SPECC1: variants seen among roughly 807,000 people sequenced by gnomAD.
The protein encoded by SPECC1 is cytospin-B.
SPECC1 carries 62 observed loss-of-function variants against 104.1 expected under a neutral mutation model. The ratio of observed to expected loss-of-function variants is 0.60; its 90% CI spans 0.49 to 0.74. The LOEUF (loss-of-function observed/expected upper bound fraction) is 0.74. Ranked by LOEUF, SPECC1 falls within the 30% of genes least tolerant of loss-of-function variation. The pLI is 0.00. For missense variants in SPECC1, 1,306 were observed against 1,310.5 expected (o/e 1.00, Z 0.05); for synonymous variants, 513 against 501.6 (o/e 1.02, Z -0.30).
intron 3 of SPECC1, among the ~76,000 whole-genome samples, chr17:20,158,467 C>T (rs1402972457): frequency 1.3e-5 from 2 of 152,134 alleles, no homozygotes; most frequent in African/African-American, 2.4e-5. Flanking sequence ...GAAAGGGAAG[C>T]GGGAGGCAGC....
intron 1 of SPECC1, among the ~76,000 whole-genome samples, chr17:20,038,118 G>A (rs1426122207): frequency 6.6e-6 from 1 of 151,782 alleles, no homozygotes; most frequent in East Asian, 1.9e-4. Flanking sequence ...TTTTTTGTTT[G>A]TTAGCCTTGC....
chr17:20,123,535 A>G (rs1343272374), intron 3 of SPECC1, among the ~76,000 whole-genome samples: 1 of 152,162 alleles, frequency 6.6e-6, no homozygotes, highest in East Asian at 1.9e-4. Context: ...TGAGGAGGGA[A>G]TAACTCTGTC....
intron 12 of SPECC1, among the ~76,000 whole-genome samples, chr17:20,263,549 T>C (rs1317479086): frequency 1.4e-5 from 2 of 148,146 alleles, no homozygotes; most frequent in South Asian, 2.1e-4. Context: ...TAAATAAATA[T>C]CAAGAAGGAG....
intron 1 of SPECC1, among the ~76,000 whole-genome samples, chr17:20,046,013 A>G (rs529181627): frequency 1.4e-5 from 1 of 71,464 alleles, no homozygotes; most frequent in Non-Finnish European, 3.3e-5. Context: ...ATACCTTTCT[A>G]AAAAAAAAAA....
intron 2 of SPECC1, among the ~76,000 whole-genome samples, chr17:20,100,549 A>G (rs1039536440): frequency 7.9e-5 from 12 of 152,240 alleles, no homozygotes; most frequent in Non-Finnish European, 1.8e-4. Flanking sequence ...GGAAATGGAT[A>G]GATAGGGTTT....
chr17:20,164,850 C>A (rs1367406162), intron 3 of SPECC1, among the ~76,000 whole-genome samples: 1 of 152,066 alleles, frequency 6.6e-6, no homozygotes, highest in Non-Finnish European at 1.5e-5. Context: ...TAGCCTGAGA[C>A]CCCCATTCGA....
chr17:20,155,254 CTGTT>C lies in SPECC1; in HGVS notation c.283+44695_283+44698del, dbSNP rs559720087. ...AGCATCCTGGAACCAAGTGAACACA[CTGTT>C]TGGAGGCGTTAGGAGTAATCAGTGG... On this transcript the variant is annotated intron_variant, in intron 3 of 14. Transcript: ENST00000395527. 5.9e-5 allele frequency: 9 copies of C among 152,300 alleles called. No individual in the cohort carries two copies. In the South Asian group the frequency reaches 1.0e-3, roughly 18 times the overall value. 9.4% of individuals were successfully genotyped at this position (152,300 alleles called of 1,614,324 possible).
intron 4 of SPECC1, among the ~76,000 whole-genome samples, chr17:20,226,103 AC>A (rs1479607829): frequency 2.0e-5 from 3 of 152,228 alleles, no homozygotes; most frequent in African/African-American, 7.2e-5. Flanking sequence ...AAGAAACCCC[AC>A]CCCCAGCGCC....
intron 1 of SPECC1, among the ~76,000 whole-genome samples, chr17:20,087,665 T>C (rs1022200846): frequency 6.6e-6 from 1 of 152,114 alleles, no homozygotes; most frequent in African/African-American, 2.4e-5. Flanking sequence ...TTAACTAATA[T>C]TTGTTGAACA....
intron 3 of SPECC1, among the ~76,000 whole-genome samples, chr17:20,165,225 T>C (rs1349381572): frequency 1.3e-5 from 2 of 151,492 alleles, no homozygotes; most frequent in East Asian, 1.9e-4. Flanking sequence ...CAGGCCCCAG[T>C]GTGTGTTGTT....
intron 12 of SPECC1, among the ~76,000 whole-genome samples, chr17:20,265,722 C>T (rs555827594): frequency 2.0e-5 from 3 of 152,200 alleles, no homozygotes; most frequent in East Asian, 1.9e-4. Context: ...TTTTATAGTT[C>T]GAAGTCTTAT....
chr17:20,283,554 A>G lies in SPECC1; in HGVS notation c.2941-13407A>G, dbSNP rs149957031. ...ATTTGTATTTCCTCTTCAGTACATT[A>G]CAGGTTCATTTCTCTGCCAATTTTT... On this transcript the variant is annotated intron_variant, in intron 12 of 14. Coordinates refer to ENST00000395527, the MANE Select transcript of SPECC1 (RefSeq NM_001243439.2). Among the ~76,000 whole-genome samples the G allele has an allele frequency of 4.9e-4, 75 of 152,206 alleles. 1 individual carries two copies. In the East Asian group the frequency reaches 6.8e-3, roughly 14 times the overall value.
At chr17:20,220,355 A>C (rs2037797289) in intron 4 of SPECC1, among the ~76,000 whole-genome samples, 1 of 152,020 alleles carries the variant, frequency 6.6e-6, no homozygotes, top group Non-Finnish European at 1.5e-5. Context: ...TCTGGTGTCA[A>C]TATTTTATAG....
intron 4 of SPECC1, among the ~76,000 whole-genome samples, chr17:20,224,597 G>T (rs1376268678): frequency 6.6e-6 from 1 of 151,948 alleles, no homozygotes; most frequent in African/African-American, 2.4e-5. Context: ...CTTTTCTCAA[G>T]CCAAAGGGAT....
intron 12 of SPECC1, among the ~76,000 whole-genome samples, chr17:20,270,432 CCAAAAAAAAAAAAAAAA>C (rs1567596393): frequency 2.3e-5 from 1 of 43,064 alleles, no homozygotes; most frequent in Non-Finnish European, 4.2e-5. Flanking sequence ...CCTGTCTTTA[CCAAAAAAAAAAAAAAAA>C]AAAAAAAAAA....
intron 3 of SPECC1, among the ~76,000 whole-genome samples, chr17:20,140,923 C>T (rs2030703419): frequency 6.6e-6 from 1 of 152,224 alleles, no homozygotes; most frequent in Admixed American, 6.5e-5. Flanking sequence ...TCATTGTGAT[C>T]TATGGCTGTC....
chr17:20,299,391 CA>C (rs1195121293), intron 13 of SPECC1, among the ~76,000 whole-genome samples: 1 of 148,636 alleles, frequency 6.7e-6, no homozygotes, highest in Non-Finnish European at 1.5e-5. Context: ...TCCATTTCTA[CA>C]AAAAAAATTT....
At chr17:20,170,916 A>G (rs1378288335) in intron 3 of SPECC1, among the ~76,000 whole-genome samples, 4 of 152,190 alleles carry the variant, frequency 2.6e-5, no homozygotes, top group African/African-American at 9.6e-5. Flanking sequence ...TTTATCTGCC[A>G]GAGAATTCAT....
chr17:20,118,503 G>C (rs900619916), intron 3 of SPECC1, among the ~76,000 whole-genome samples: 1 of 152,228 alleles, frequency 6.6e-6, no homozygotes, highest in East Asian at 1.9e-4. Context: ...CAGTAGATTT[G>C]TGTGTACTGA....
Sources: allele counts gnomAD v4.1 joint callset (sites outside exome capture counted in the v4.1 genomes callset), GRCh38; gene constraint gnomAD v4.1.1; transcripts MANE v1.5; gene names NCBI Gene and HGNC (gene_info 2026-07-23, HGNC 2026-07-21).